Variants in PCDHA2 observed in about 807,000 individuals in gnomAD.
PCDHA2 encodes the protein protocadherin alpha 2, also known as protocadherin alpha-2.
A neutral mutation model predicts 66.0 loss-of-function variants in PCDHA2; 58 were observed. The observed-to-expected ratio is 0.88, with a 90% CI of 0.71 to 1.09. The LOEUF (loss-of-function observed/expected upper bound fraction) is 1.09, where lower values mean the gene tolerates loss of function less well. Ranked by LOEUF, PCDHA2 falls within the 50% of genes least tolerant of loss-of-function variation. The pLI is 0.00. For missense variants in PCDHA2, 1,267 were observed against 1,242.3 expected, an observed-to-expected ratio of 1.02 and a Z score of -0.30; for synonymous variants, 634 against 554.0, an observed-to-expected ratio of 1.14 and a Z score of -2.03.
chr5:140,974,350 C>A (rs555781549), intron 1 of PCDHA2, among the ~76,000 whole-genome samples: 1 of 152,186 alleles, frequency 6.6e-6, no homozygotes, highest in African/African-American at 2.4e-5. Context: ...GCATCCAGAA[C>A]TAAACAGACC....
chr5:140,796,102 G>C lies in PCDHA2; in HGVS notation c.1138G>C (p.Gly380Arg). The change falls in exon 1 of 4, where the codon GGT becomes CGT. Residue 380 changes from glycine to arginine, a missense_variant. By Grantham distance (125) the Gly-to-Arg change is moderately radical. Coordinates refer to ENST00000526136, the MANE Select transcript of PCDHA2 (RefSeq NM_018905.3). ...CATCACGGTGTCGGATCGCGACTCT[G>C]GTACGAATGGACATGTCACCTGCTC... The part of the protein sequence containing the change: ...ALITVSDRDS[G>R]TNGHVTCSLT... 1 of 1,614,188 alleles carries C rather than the reference G, an allele frequency of 6.2e-7. No homozygotes were observed. The highest frequency in any genetic ancestry group is 8.5e-7 in the Non-Finnish European group (1 of 1,180,038).
At chr5:140,842,727 C>G (rs1554139317) in intron 1 of PCDHA2, 1 of 1,594,926 alleles carries the variant, frequency 6.3e-7, no homozygotes, top group East Asian at 2.2e-5. Context: ...GAGAACAACC[C>G]GCCGGGCTGC....
chr5:140,795,435 A>T lies in PCDHA2; in HGVS notation c.471A>T (p.Ala157=), dbSNP rs781802033. 5.6e-6 allele frequency: 9 copies of T among 1,614,094 alleles called. No individual in the cohort carries two copies. The South Asian group carries it at 7.7e-5, about 14-fold the overall frequency. ...ATTCTCGGTTTCCTCTAGAGGGAGC[A>T]TCTGATGCAGATATAGGAGTAAATG... is the stretch of plus-strand genomic sequence containing the variant. ...LLDSRFPLEG[A]SDADIGVNAL... Residue 157 remains alanine (A), a synonymous_variant, in exon 1 of 4, where the codon GCA becomes GCT. Coordinates refer to ENST00000526136, the MANE Select transcript of PCDHA2 (RefSeq NM_018905.3).
intron 1 of PCDHA2, chr5:140,869,477 A>C: frequency 6.2e-7 from 1 of 1,614,208 alleles, no homozygotes; most frequent in South Asian, 1.1e-5. Context: ...GAGGTGAAGG[A>C]CATTAACGAC....
intron 1 of PCDHA2, chr5:140,877,538 C>T: frequency 1.2e-6 from 2 of 1,613,776 alleles, no homozygotes; most frequent in Non-Finnish European, 1.7e-6. Context: ...GCTGTGGATC[C>T]CGAAGCGGCT....
intron 1 of PCDHA2, among the ~76,000 whole-genome samples, chr5:140,885,056 C>T (rs1554181973): frequency 6.6e-6 from 1 of 152,106 alleles, no homozygotes; most frequent in East Asian, 1.9e-4. Flanking sequence ...TATACATATA[C>T]CCACAAGATA....
At chr5:140,850,907 T>A (rs2150501889) in intron 1 of PCDHA2, 1 of 1,548,270 alleles carries the variant, frequency 6.5e-7, no homozygotes, top group East Asian at 2.3e-5. Flanking sequence ...TTTCTAGCAT[T>A]TTATTTATTT....
At chr5:140,953,408 TG>T (rs782455726) in intron 1 of PCDHA2, among the ~76,000 whole-genome samples, 5 of 152,168 alleles carry the variant, frequency 3.3e-5, no homozygotes, top group Non-Finnish European at 5.9e-5. Context: ...CTGTTGCTCC[TG>T]GCTCCTCCCC....
chr5:140,928,744 C>T (rs143875858), intron 1 of PCDHA2: 3 of 1,614,144 alleles, frequency 1.9e-6, no homozygotes, highest in Admixed American at 3.3e-5. Context: ...TATAGGTGAG[C>T]TCCGTACTGC....
intron 1 of PCDHA2, among the ~76,000 whole-genome samples, chr5:140,941,270 T>TTTCC (rs1378866749): frequency 2.2e-5 from 3 of 136,668 alleles, no homozygotes; most frequent in Admixed American, 7.6e-5. Context: ...TCTTTCTTTC[T>TTTCC]TTCCTTCCTT....
At chr5:140,896,381 C>A (rs1235283612) in intron 1 of PCDHA2, among the ~76,000 whole-genome samples, 1 of 152,160 alleles carries the variant, frequency 6.6e-6, no homozygotes, top group Non-Finnish European at 1.5e-5. Context: ...TTCTCTGCAA[C>A]CTCACCAGCA....
intron 1 of PCDHA2, chr5:140,969,442 T>G (rs1554231813): frequency 1.6e-5 from 25 of 1,543,830 alleles, no homozygotes; most frequent in Non-Finnish European, 2.2e-5. Flanking sequence ...AGTTATCTGG[T>G]AAACTGAGTA....
In PCDHA2 at chr5:140,796,089, G is replaced by T; in HGVS notation, c.1125G>T (p.Ser375=). The T allele has an allele frequency of 6.2e-7, 1 of 1,614,136 alleles. No individual in the cohort carries two copies. The highest frequency in any genetic ancestry group is 8.5e-7 in the Non-Finnish European group (1 of 1,180,024). Residue 375 remains serine (S), a synonymous_variant, in exon 1 of 4, where the codon TCG becomes TCT. Transcript: ENST00000526136. ...CTGTCATTGCTCTCATCACGGTGTC[G>T]GATCGCGACTCTGGTACGAATGGAC... is the stretch of plus-strand genomic sequence containing the variant. ...LGTVIALITV[S]DRDSGTNGHV...
intron 3 of PCDHA2, among the ~76,000 whole-genome samples, chr5:140,990,953 A>G (rs371951430): frequency 6.6e-6 from 1 of 152,194 alleles, no homozygotes; most frequent in Non-Finnish European, 1.5e-5. Flanking sequence ...GACTGTAGAA[A>G]TAGTCTCTTA....
rs140058365 is a variant in PCDHA2 at position 140,928,379 on chromosome 5, G to A, written c.2389-50570G>A. 5.7e-4 allele frequency: 913 copies of A among 1,614,172 alleles called. 5 individuals are homozygous for A. The African/African-American group carries it at 0.01, about 18-fold the overall frequency. On this transcript the variant is annotated intron_variant, in intron 1 of 3. Transcript: ENST00000526136. ...ATCTCTGAAGGGCCATCAGCCTCTA[G>A]CTTGCTGGCAGTGGAATCATCCAGT...
intron 3 of PCDHA2, among the ~76,000 whole-genome samples, chr5:141,002,021 C>T (rs1177146388): frequency 6.6e-6 from 1 of 152,184 alleles, no homozygotes; most frequent in Non-Finnish European, 1.5e-5. Context: ...GCACAGCCTT[C>T]GGTGCCCTGA....
intron 1 of PCDHA2, chr5:140,884,756 T>A: frequency 7.0e-7 from 1 of 1,427,108 alleles, no homozygotes; most frequent in Admixed American, 3.0e-5. Flanking sequence ...TTTCAAATTA[T>A]TCTTTACTTT....
chr5:140,847,921 C>T lies in PCDHA2; in HGVS notation c.2388+50569C>T, dbSNP rs1781251714. ...GTAGATTTCTGGGCTCCTATATTCA[C>T]TAGAGATTGCAACTCCTGGATTTCT... On this transcript the variant is annotated intron_variant, in intron 1 of 3. Transcript: ENST00000526136. 2 of 150,926 alleles carry T rather than the reference C, an allele frequency of 1.3e-5. 1 individual carries two copies. Among genetic ancestry groups the T allele is most frequent in the Non-Finnish European group, 2.9e-5 (2 of 67,862 alleles). 9.3% of individuals were successfully genotyped at this position (150,926 alleles called of 1,614,324 possible).
rs782446771 is a variant in PCDHA2 at position 140,796,531 on chromosome 5, C to T, written c.1567C>T (p.Leu523=). Residue 523 remains leucine, a synonymous_variant, in exon 1 of 4, where the codon CTG becomes TTG. Transcript: ENST00000526136. ...CGGCAAGGTGTACGCGCTGCAGCCG[C>T]TGGACCACGAGGAAGTGGAGCTGCT... ...ESGKVYALQP[L]DHEEVELLQF... is the part of the protein sequence containing the mutation. 3.7e-6 allele frequency: 6 copies of T among 1,612,656 alleles called. No homozygotes were observed. Among genetic ancestry groups the T allele is most frequent in the Non-Finnish European group, 5.1e-6 (6 of 1,179,856 alleles).
Sources: gnomAD v4.1 joint callset for allele counts (sites outside exome capture counted in the v4.1 genomes callset) on GRCh38, gnomAD v4.1.1 for gene constraint, MANE v1.5 for transcripts, NCBI Gene and HGNC (gene_info 2026-07-23, HGNC 2026-07-21) for gene names.